Variants in GPR139 observed in about 807,000 individuals in gnomAD.
The protein encoded by GPR139 is probable G protein-coupled receptor 139.
In GPR139, 12 loss-of-function variants were observed where a neutral mutation model predicts 25.8. That is an observed-to-expected ratio of 0.47 (90% confidence interval 0.30 to 0.75). The LOEUF (loss-of-function observed/expected upper bound fraction) is 0.75, where lower values mean the gene tolerates loss of function less well. GPR139 is among the 30% of genes least tolerant of loss of function. The pLI is 0.07. For synonymous variants in GPR139, 184 were observed against 179.9 expected (o/e 1.02, Z -0.18); for missense variants, 380 against 450.2 (o/e 0.84, Z 1.41).
chr16:20,067,634 G>A (rs1279824722), intron 1 of GPR139, among the ~76,000 whole-genome samples: 2 of 151,752 alleles, frequency 1.3e-5, no homozygotes, highest in South Asian at 2.1e-4. Context: ...GAGAAACCCC[G>A]TCTCTACTAA....
rs1262628465 is a variant in GPR139, at chr16:20,032,062, G to T, written c.735C>A (p.Ile245=). 6.2e-7 allele frequency: 1 copy of T among 1,614,226 alleles called. No homozygotes were observed. Among genetic ancestry groups the T allele is most frequent in the South Asian group, 1.1e-5 (1 of 91,080 alleles). Residue 245 remains isoleucine, a synonymous_variant, in exon 2 of 2, where the codon ATC becomes ATA. Transcript: ENST00000570682. The part of the protein sequence containing the change: ...SIFATLWAPR[I]IMILYHLYGA... Reference sequence around the variant, plus strand: ...CATAGAGGTGGTAAAGAATCATGATGATGCGGGGGGCCCAAAGTGTGGCAA... The same window carrying T: ...CATAGAGGTGGTAAAGAATCATGATTATGCGGGGGGCCCAAAGTGTGGCAA...
At chr16:20,063,901 AT>A (rs1394628579) in intron 1 of GPR139, among the ~76,000 whole-genome samples, 2 of 152,170 alleles carry the variant, frequency 1.3e-5, no homozygotes, top group African/African-American at 4.8e-5. Flanking sequence ...AAGGAAAGAG[AT>A]TTAATTGACT....
chr16:20,035,830 G>C (rs2057308146), intron 1 of GPR139, among the ~76,000 whole-genome samples: 1 of 152,196 alleles, frequency 6.6e-6, no homozygotes, highest in Non-Finnish European at 1.5e-5. Context: ...ATTGAGTTCT[G>C]CTTGCTTTGT....
At chr16:20,055,977 A>T (rs956356194) in intron 1 of GPR139, among the ~76,000 whole-genome samples, 2 of 152,364 alleles carry the variant, frequency 1.3e-5, no homozygotes, top group East Asian at 3.9e-4. Context: ...AGTATCTAAC[A>T]TGTAGTAGGA....
At chr16:20,042,005 A>T (rs904553405) in intron 1 of GPR139, among the ~76,000 whole-genome samples, 1 of 152,132 alleles carries the variant, frequency 6.6e-6, no homozygotes, top group Non-Finnish European at 1.5e-5. Flanking sequence ...AACCTATCCT[A>T]GTTGGGAGCA....
At chr16:20,046,517 G>C (rs1422511964) in intron 1 of GPR139, among the ~76,000 whole-genome samples, 1 of 152,170 alleles carries the variant, frequency 6.6e-6, no homozygotes, top group African/African-American at 2.4e-5. Flanking sequence ...GTGAGGGATG[G>C]CAGATCTATT....
chr16:20,036,603 A>G (rs1178425771), intron 1 of GPR139, among the ~76,000 whole-genome samples: 6 of 152,084 alleles, frequency 3.9e-5, no homozygotes. Context: ...TAAAACCATC[A>G]GATCTCATGA....
Position 20,065,033 on chromosome 16 carries a change from T to C in GPR139, c.127+8457A>G, listed in dbSNP as rs2057426305. The stretch of plus-strand genomic sequence containing the variant: ...TGTCTCCATCCCTGTTTTTCCTCGA[T>C]CCTCCCTCTAGATTCTTCTTCTTTT... On this transcript the variant is annotated intron_variant, in intron 1 of 1. Coordinates refer to ENST00000570682, the MANE Select transcript of GPR139 (RefSeq NM_001002911.4). Among the ~76,000 whole-genome samples, 3 of 152,110 alleles carry C rather than the reference T, an allele frequency of 2.0e-5. No individual in the cohort carries two copies. In the South Asian group the frequency reaches 6.2e-4, roughly 32 times the overall value.
At position 20,032,511 on chromosome 16, in the gene GPR139, T is replaced by C. The variant is rs1165860928; in HGVS notation, c.286A>G (p.Met96Val). ...LLEDFILNMQ[M>V]PQVPDKIIEV... ...ATGATCTTGTCGGGGACCTGAGGCA[T>C]CTGCATGTTCAAGATGAAATCTTCC... The change falls in exon 2 of 2, where the codon ATG becomes GTG. Residue 96 changes from methionine to valine, a missense_variant. Physicochemically the swap from Met to Val is conservative, Grantham distance 21. Transcript: ENST00000570682. 1 of 1,614,142 alleles carries C rather than the reference T, an allele frequency of 6.2e-7. No individual in the cohort carries two copies. Among genetic ancestry groups the C allele is most frequent in the Non-Finnish European group, 8.5e-7 (1 of 1,180,026 alleles).
In GPR139 at chr16:20,051,306, C is replaced by T. The variant is rs551354493; in HGVS notation, c.128-18637G>A. ...CTCCCACACAATGCACACCCTCCTC[C>T]GCGTCTTGGGTTAGCAGAGGGAAGG... On this transcript the variant is annotated intron_variant, in intron 1 of 1. Transcript: ENST00000570682. Among the ~76,000 whole-genome samples, 4 of 152,302 alleles carry T rather than the reference C, an allele frequency of 2.6e-5. No homozygotes were observed. In the South Asian group the frequency reaches 6.2e-4, roughly 24 times the overall value.
intron 1 of GPR139, among the ~76,000 whole-genome samples, chr16:20,058,227 G>A (rs148245024): frequency 8.0e-4 from 122 of 152,284 alleles, no homozygotes; most frequent in Non-Finnish European, 1.2e-3. Flanking sequence ...AAAACTCCAG[G>A]TGGAACTCAA....
chr16:20,032,664 T>C lies in GPR139; in HGVS notation c.133A>G (p.Ile45Val), dbSNP rs747226563. The C allele has an allele frequency of 5.4e-5, 86 of 1,601,712 alleles. No homozygotes were observed. Among genetic ancestry groups the C allele is most frequent in the Non-Finnish European group, 7.3e-5 (85 of 1,170,108 alleles). ...LLLCLGLPAN[I>V]LTVIILSQLV... is the part of the protein sequence containing the mutation. ...TGGGAGAGGATGATCACTGTCAAGA[T>C]ATTTGCTGTGGAGAGAAGAAAAACT... is the stretch of plus-strand genomic sequence containing the variant. The change falls in exon 2 of 2, where the codon ATC (isoleucine) becomes GTC (valine). Residue 45 changes from isoleucine (I) to valine (V), a missense_variant. Physicochemically the swap from Ile to Val is conservative, Grantham distance 29 (BLOSUM62 3). Transcript: ENST00000570682.
chr16:20,041,284 A>C, intron 1 of GPR139, among the ~76,000 whole-genome samples: 1 of 141,810 alleles, frequency 7.1e-6, no homozygotes. Flanking sequence ...CTCTCTGACA[A>C]AGTTGCCATC....
intron 1 of GPR139, among the ~76,000 whole-genome samples, chr16:20,050,261 A>G (rs540126664): frequency 6.6e-6 from 1 of 152,288 alleles, no homozygotes; most frequent in East Asian, 1.9e-4. Context: ...GTGACTGGGA[A>G]GCAAAGCATG....
At chr16:20,072,654 C>T (rs761740380) in intron 1 of GPR139, among the ~76,000 whole-genome samples, 25 of 152,180 alleles carry the variant, frequency 1.6e-4, no homozygotes, top group Non-Finnish European at 3.5e-4. Flanking sequence ...CCCTCCTTCT[C>T]GGCAGCTCAG....
Position 20,073,061 on chromosome 16 carries a change from G to A in GPR139, c.127+429C>T, listed in dbSNP as rs1454522323. On this transcript the variant is annotated intron_variant, in intron 1 of 1. Coordinates refer to ENST00000570682, the MANE Select transcript of GPR139 (RefSeq NM_001002911.4). This position sits in a 1 kb window ranked among gnomAD's most constrained non-coding sequence, Gnocchi z 4.7. ...GAGGGGCAGAGGTGCCCCAAGTGGGGTGGACGTGCAGGGGCCACGGGAGAA... is the reference window on the plus strand; with the variant it reads ...GAGGGGCAGAGGTGCCCCAAGTGGGATGGACGTGCAGGGGCCACGGGAGAA... Among the ~76,000 whole-genome samples the A allele has an allele frequency of 6.6e-6, 1 of 152,188 alleles. No homozygotes were observed. The highest frequency in any genetic ancestry group is 1.5e-5 in the Non-Finnish European group (1 of 68,036).
chr16:20,067,786 T>C (rs143117121), intron 1 of GPR139, among the ~76,000 whole-genome samples: 3,669 of 110,676 alleles, frequency 0.033, 174 homozygotes, highest in African/African-American at 0.12. Context: ...CCTGGGCAAC[T>C]AGAGCAAAAC....
intron 1 of GPR139, among the ~76,000 whole-genome samples, chr16:20,036,197 C>T (rs1451472294): frequency 6.6e-6 from 1 of 152,098 alleles, no homozygotes; most frequent in Non-Finnish European, 1.5e-5. Flanking sequence ...GCTCCTCTGA[C>T]CTAATCATAT....
Position 20,032,246 on chromosome 16 carries a change from A to C in GPR139, c.551T>G (p.Ile184Ser), listed in dbSNP as rs915011877. Residue 184 changes from isoleucine (I) to serine (S), a missense_variant, in exon 2 of 2, where the codon ATC (isoleucine) becomes AGC (serine). Ile to Ser is a moderately radical substitution (Grantham distance 142, BLOSUM62 -2). Coordinates refer to ENST00000570682, the MANE Select transcript of GPR139 (RefSeq NM_001002911.4). The part of the protein sequence containing the change: ...YISTSVHHVL[I>S]WIHCFTVYLV... ...GTAGACGGTGAAGCAGTGGATCCAG[A>C]TGAGGACGTGATGCACAGAGGTGCT... The C allele has an allele frequency of 8.7e-6, 14 of 1,614,072 alleles. No individual in the cohort carries two copies. The highest frequency in any genetic ancestry group is 1.3e-5 in the African/African-American group (1 of 74,914).
Sources: allele counts gnomAD v4.1 joint callset (sites outside exome capture counted in the v4.1 genomes callset), GRCh38; gene constraint gnomAD v4.1.1; non-coding constraint Gnocchi (gnomAD v3.1); transcripts MANE v1.5; gene names NCBI Gene and HGNC (gene_info 2026-07-23, HGNC 2026-07-21).